HMCN1: variants seen among roughly 807,000 people sequenced by gnomAD.
The protein encoded by HMCN1 is hemicentin 1, also known as hemicentin-1.
Under a neutral mutation model 625.9 loss-of-function variants are expected in HMCN1, and 321 were observed. The observed-to-expected ratio is 0.51, with a 90% CI of 0.47 to 0.56. The LOEUF is 0.56. Among genes scored for constraint, HMCN1 ranks in the 20% least tolerant of loss-of-function variants. The pLI is 0.00. For missense variants in HMCN1, 6,588 were observed against 6,887.3 expected, an observed-to-expected ratio of 0.96 and a Z score of 1.54; for synonymous variants, 2,425 against 2,417.6, an observed-to-expected ratio of 1.00 and a Z score of -0.09.
intron 36 of HMCN1, among the ~76,000 whole-genome samples, chr1:186,030,530 T>C (rs896551541): frequency 6.6e-6 from 1 of 152,016 alleles, no homozygotes; most frequent in African/African-American, 2.4e-5. Context: ...ACTGTTTGCA[T>C]CATATATTGT....
chr1:186,034,133 T>C (rs189534206), intron 36 of HMCN1, among the ~76,000 whole-genome samples: 1 of 152,066 alleles, frequency 6.6e-6, no homozygotes, highest in African/African-American at 2.4e-5. Context: ...CATATCAGAG[T>C]GATATAATGT....
intron 1 of HMCN1, among the ~76,000 whole-genome samples, chr1:185,831,145 T>C (rs1028711154): frequency 8.5e-5 from 13 of 152,156 alleles, no homozygotes; most frequent in Admixed American, 2.0e-4. Flanking sequence ...ATGCAAATAA[T>C]TATAAAAATC....
intron 105 of HMCN1, among the ~76,000 whole-genome samples, chr1:186,187,241 G>A (rs1439840270): frequency 6.6e-6 from 1 of 151,864 alleles, no homozygotes; most frequent in African/African-American, 2.4e-5. Flanking sequence ...CCAAACAACA[G>A]AGGATAGACT....
Position 186,114,886 on chromosome 1 carries a change from T to C in HMCN1, c.11344T>C (p.Leu3782=), listed in dbSNP as rs1386140251. ...SAHVTDTGRY[L]CMATNAAGTD... The stretch of plus-strand genomic sequence containing the variant: ...ACATGTCACTGACACTGGACGGTAT[T>C]TGTGTATGGCCACCAATGCTGCTGG... Residue 3782 remains leucine (L), a synonymous_variant, in exon 74 of 107, where the codon TTG becomes CTG. Coordinates refer to ENST00000271588, the MANE Select transcript of HMCN1 (RefSeq NM_031935.3). 1.2e-6 allele frequency: 2 copies of C among 1,614,184 alleles called. No individual in the cohort carries two copies. Among genetic ancestry groups the C allele is most frequent in the Admixed American group, 3.3e-5 (2 of 60,026 alleles).
chr1:185,883,345 C>T (rs1664426728), intron 4 of HMCN1, among the ~76,000 whole-genome samples: 1 of 151,906 alleles, frequency 6.6e-6, no homozygotes, highest in South Asian at 2.1e-4. Flanking sequence ...TTATGTATTC[C>T]ACTACAATTA....
At position 185,933,749 on chromosome 1, in the gene HMCN1, G is replaced by C; in HGVS notation, c.1753G>C (p.Asp585His). 1 of 1,613,868 alleles carries C rather than the reference G, an allele frequency of 6.2e-7. No homozygotes were observed. Among genetic ancestry groups the C allele is most frequent in the Non-Finnish European group, 8.5e-7 (1 of 1,179,780 alleles). Reference sequence around the variant, plus strand: ...GGAGCTAAAGAGTGTGAAATTCAACGATGCTGGAGAGTATCATTGTATGGT... The same window carrying C: ...GGAGCTAAAGAGTGTGAAATTCAACCATGCTGGAGAGTATCATTGTATGGT... ...SLELKSVKFN[D>H]AGEYHCMVSS... Residue 585 changes from aspartate (D) to histidine (H), a missense_variant, in exon 11 of 107, where the codon GAT becomes CAT. Around this residue, in one of 3 missense-constraint regions of HMCN1, gnomAD observed 4,628 missense variants for 4,853.1 expected, o/e 0.95. Coordinates refer to ENST00000271588, the MANE Select transcript of HMCN1 (RefSeq NM_031935.3).
chr1:186,057,799 C>T (rs895437081), intron 46 of HMCN1, among the ~76,000 whole-genome samples: 9 of 151,966 alleles, frequency 5.9e-5, no homozygotes, highest in Non-Finnish European at 8.8e-5. Context: ...GTATTCATGA[C>T]TAATCTCAAT....
In HMCN1 at chr1:186,054,386, CT is replaced by C. The variant is rs565195541; in HGVS notation, c.6862+402del. ...TAAGATAGTTATATACTCATTTAATCTTCACATGAGCTGTTATATAAGACAA... is the reference window on the plus strand; with the variant it reads ...TAAGATAGTTATATACTCATTTAATCTCACATGAGCTGTTATATAAGACAA... On this transcript the variant is annotated intron_variant, in intron 44 of 106. Coordinates refer to ENST00000271588, the MANE Select transcript of HMCN1 (RefSeq NM_031935.3). Among the ~76,000 whole-genome samples the C allele has an allele frequency of 3.5e-4, 53 of 152,064 alleles. 2 individuals are homozygous for C. In the South Asian group the frequency reaches 0.011, roughly 31 times the overall value.
chr1:185,851,818 CACAG>C (rs1387193427), intron 2 of HMCN1, among the ~76,000 whole-genome samples: 3 of 152,040 alleles, frequency 2.0e-5, no homozygotes, highest in Middle Eastern at 6.8e-3. Flanking sequence ...CCCCCCAACA[CACAG>C]ACATACACAC....
chr1:186,137,921 T>C lies in HMCN1; in HGVS notation c.13873T>C (p.Cys4625Arg), dbSNP rs892742870. 3 of 1,613,936 alleles carry C rather than the reference T, an allele frequency of 1.9e-6. No homozygotes were observed. Among genetic ancestry groups the C allele is most frequent in the African/African-American group, 2.7e-5 (2 of 74,902 alleles). ...NPSVQHGGRPCEGNAVEIIMC... is the reference protein window; with the variant it reads ...NPSVQHGGRPREGNAVEIIMC... ...ATCAGTTCAGCATGGTGGGCGGCCA[T>C]GTGAAGGGAATGCTGTGGAAATAAT... The change falls in exon 89 of 107, where the codon TGT becomes CGT. Residue 4625 changes from cysteine (C) to arginine (R), a missense_variant. Cys to Arg is a radical substitution (Grantham distance 180). Around this residue, in one of 3 missense-constraint regions of HMCN1, gnomAD observed 1,954 missense variants for 2,013.1 expected, o/e 0.97. Coordinates refer to ENST00000271588, the MANE Select transcript of HMCN1 (RefSeq NM_031935.3).
At position 185,994,904 on chromosome 1, in the gene HMCN1, C is replaced by T; in HGVS notation, c.3595C>T (p.Leu1199Phe). Residue 1199 changes from leucine (L) to phenylalanine (F), a missense_variant, in exon 24 of 107, where the codon CTT (leucine) becomes TTT (phenylalanine). Physicochemically the swap from Leu to Phe is conservative, Grantham distance 22 (BLOSUM62 0). Around this residue, in one of 3 missense-constraint regions of HMCN1, gnomAD observed 4,628 missense variants for 4,853.1 expected, o/e 0.95. Transcript: ENST00000271588. ...DIPCNAQGTP[L>F]PVITWSKGGS... Reference sequence around the variant, plus strand: ...TCCATGTAATGCTCAAGGGACTCCTCTTCCTGTAATCACCTGGTCCAAAGG... The same window carrying T: ...TCCATGTAATGCTCAAGGGACTCCTTTTCCTGTAATCACCTGGTCCAAAGG... 1 of 1,613,858 alleles carries T rather than the reference C, an allele frequency of 6.2e-7. No individual in the cohort carries two copies. The highest frequency in any genetic ancestry group is 1.7e-4 in the Middle Eastern group (1 of 6,060).
chr1:185,842,042 C>T (rs1249881175), intron 1 of HMCN1, among the ~76,000 whole-genome samples: 1 of 152,114 alleles, frequency 6.6e-6, no homozygotes, highest in Admixed American at 6.5e-5. Flanking sequence ...TTTGAAATCT[C>T]CCTTGGTTCT....
chr1:186,019,977 T>A (rs990322345), intron 35 of HMCN1, among the ~76,000 whole-genome samples: 1 of 152,016 alleles, frequency 6.6e-6, no homozygotes, highest in African/African-American at 2.4e-5. Flanking sequence ...AAAAAACTGG[T>A]GTCTCACAGA....
chr1:185,879,182 T>C (rs1296084815), intron 4 of HMCN1, among the ~76,000 whole-genome samples: 3 of 152,164 alleles, frequency 2.0e-5, no homozygotes. Flanking sequence ...GGCCTTTTGT[T>C]TTGCTTGAGA....
rs200351804 is a variant in HMCN1 at position 186,171,336 on chromosome 1, G to C, written c.15575-1G>C. 6.2e-7 allele frequency: 1 copy of C among 1,607,852 alleles called. No individual in the cohort carries two copies. The highest frequency in any genetic ancestry group is 8.5e-7 in the Non-Finnish European group (1 of 1,174,492). ...AATGAAAGTTTTGTTTTATTTAACAGATATTAATGAATGTCAAGAATCCAG... is the reference window on the plus strand; with the variant it reads ...AATGAAAGTTTTGTTTTATTTAACACATATTAATGAATGTCAAGAATCCAG... On this transcript the variant is annotated splice_acceptor_variant, in intron 100 of 106. Coordinates refer to ENST00000271588, the MANE Select transcript of HMCN1 (RefSeq NM_031935.3). LOFTEE classifies it high-confidence loss of function.
At chr1:185,836,609 G>A (rs146330088) in intron 1 of HMCN1, among the ~76,000 whole-genome samples, 2 of 152,212 alleles carry the variant, frequency 1.3e-5, no homozygotes, top group East Asian at 1.9e-4. Context: ...ATAACAAAGA[G>A]CGAAATGACT....
chr1:185,856,897 C>G (rs555174882), intron 2 of HMCN1, among the ~76,000 whole-genome samples: 10 of 152,186 alleles, frequency 6.6e-5, no homozygotes, highest in Non-Finnish European at 1.3e-4. Context: ...TTGGGTCTCT[C>G]TGGTCCATCA....
At position 185,923,614 on chromosome 1, in the gene HMCN1, C is replaced by T. The variant is rs1667108612; in HGVS notation, c.1246C>T (p.Gln416Ter). The change falls in exon 8 of 107, where the codon CAG becomes TAG. Residue 416 changes from glutamine to a stop codon, truncating the protein, a stop_gained. Coordinates refer to ENST00000271588, the MANE Select transcript of HMCN1 (RefSeq NM_031935.3). LOFTEE classifies it high-confidence loss of function. ...TGYDKDDYLF[Q>*]RVSSVSFSSI... ...CTATGATAAAGATGATTACCTCTTC[C>T]AGAGAGTATCAAGTGTTTCCTTTTC... 6.2e-7 allele frequency: 1 copy of T among 1,607,370 alleles called. No homozygotes were observed. Among genetic ancestry groups the T allele is most frequent in the African/African-American group, 1.3e-5 (1 of 74,884 alleles).
chr1:186,005,182 T>C (rs1255380643), intron 29 of HMCN1, among the ~76,000 whole-genome samples: 2 of 147,598 alleles, frequency 1.4e-5, no homozygotes, highest in African/African-American at 5.0e-5. Context: ...TTTATAAATG[T>C]TTATAAACAA....
Sources: allele counts gnomAD v4.1 joint callset (sites outside exome capture counted in the v4.1 genomes callset), GRCh38; gene constraint gnomAD v4.1.1; regional missense constraint gnomAD v4.1.1; transcripts MANE v1.5; gene names NCBI Gene and HGNC (gene_info 2026-07-23, HGNC 2026-07-21).